FNBP1L: variants seen among roughly 807,000 people sequenced by gnomAD.
FNBP1L encodes the protein formin binding protein 1 like.
In FNBP1L, 36 loss-of-function variants were observed where a neutral mutation model predicts 91.2. The observed-to-expected ratio is 0.39, with a 90% confidence interval of 0.30 to 0.52. FNBP1L has a LOEUF of 0.52. FNBP1L is among the 20% of genes least tolerant of loss of function. FNBP1L has a pLI of 0.66. For synonymous variants in FNBP1L, 242 were observed against 237.0 expected, an observed-to-expected ratio of 1.02 and a Z score of -0.19; for missense variants, 571 against 732.1, an observed-to-expected ratio of 0.78 and a Z score of 2.54.
At chr1:93,523,246 A>G in intron 3 of FNBP1L, 98 bp from the exon 4 acceptor site, 4 of 1,228,304 alleles carry the variant, frequency 3.3e-6, no homozygotes, top group Non-Finnish European at 4.3e-6. Context: ...TAGGTTGAAT[A>G]TGCTAAAATT....
chr1:93,450,939 G>T (rs1031335274), intron 1 of FNBP1L, among the ~76,000 whole-genome samples: 5 of 152,218 alleles, frequency 3.3e-5, no homozygotes, highest in Admixed American at 2.6e-4. Context: ...GTAGTGATGT[G>T]CTGAGTGGAT....
At chr1:93,482,318 G>A (rs1234436581) in intron 1 of FNBP1L, among the ~76,000 whole-genome samples, 3 of 151,954 alleles carry the variant, frequency 2.0e-5, no homozygotes, top group Non-Finnish European at 4.4e-5. Flanking sequence ...AATTATTACT[G>A]TAAACATATG....
chr1:93,482,305 G>A (rs1669736511), intron 1 of FNBP1L, among the ~76,000 whole-genome samples: 1 of 152,068 alleles, frequency 6.6e-6, no homozygotes, highest in African/African-American at 2.4e-5. Flanking sequence ...TAGTATATCT[G>A]TTAATTATTA....
chr1:93,449,566 T>C (rs1226662856), intron 1 of FNBP1L, among the ~76,000 whole-genome samples: 1 of 152,194 alleles, frequency 6.6e-6, no homozygotes, highest in African/African-American at 2.4e-5. Context: ...CTTAGAACTG[T>C]GAGACTTTAG....
chr1:93,520,745 G>C (rs1428232307), intron 2 of FNBP1L, among the ~76,000 whole-genome samples: 1 of 152,074 alleles, frequency 6.6e-6, no homozygotes. Flanking sequence ...AGGTCACATA[G>C]GTACTACATA....
intron 1 of FNBP1L, among the ~76,000 whole-genome samples, chr1:93,496,250 T>A (rs1670257249): frequency 1.3e-5 from 2 of 149,456 alleles, no homozygotes; most frequent in South Asian, 4.5e-4. Context: ...CCCCCTTCCT[T>A]CTCCTCTTTT....
rs538341669 is a variant in FNBP1L, at chr1:93,532,424, G to A, written c.640-498G>A. Among the ~76,000 whole-genome samples the A allele has an allele frequency of 2.7e-3, 363 of 136,278 alleles. 1 individual carries two copies. Among genetic ancestry groups the A allele is most frequent in the African/African-American group, 8.7e-3 (325 of 37,246 alleles). 89.4% of individuals were successfully genotyped at this position (136,278 alleles called of 152,430 possible). Reference sequence around the variant, plus strand: ...GGAGGTTGCAGTGAGCCGAGATCGCGCAACTGCACTCCATCCAGCCTGGCG... The same window carrying A: ...GGAGGTTGCAGTGAGCCGAGATCGCACAACTGCACTCCATCCAGCCTGGCG... On this transcript the variant is annotated intron_variant, in intron 7 of 16. Coordinates refer to ENST00000271234, the MANE Select transcript of FNBP1L (RefSeq NM_001164473.3).
chr1:93,471,135 G>T (rs572141505), intron 1 of FNBP1L, among the ~76,000 whole-genome samples: 150 of 152,236 alleles, frequency 9.9e-4, no homozygotes, highest in African/African-American at 3.5e-3. Flanking sequence ...AGGACCAGAA[G>T]ATTTTAATAT....
intron 11 of FNBP1L, among the ~76,000 whole-genome samples, chr1:93,541,513 C>G (rs1672042681): frequency 6.7e-6 from 1 of 149,850 alleles, no homozygotes; most frequent in African/African-American, 2.5e-5. Flanking sequence ...TGGAGTTAGT[C>G]CTTGGTTCTT....
intron 16 of FNBP1L, 75 bp downstream of exon 16, chr1:93,551,180 A>G: frequency 7.0e-7 from 1 of 1,435,260 alleles, no homozygotes; most frequent in South Asian, 1.8e-5. Flanking sequence ...CATAAAATGA[A>G]AACACATTCA....
chr1:93,533,026 G>A lies in FNBP1L; in HGVS notation c.744G>A (p.Leu248=). ...TTATTCCCATCATTTCAAAATGTTTGGAAGGAATGATTCTTGCAGCAAAAT... is the reference window on the plus strand; with the variant it reads ...TTATTCCCATCATTTCAAAATGTTTAGAAGGAATGATTCTTGCAGCAAAAT... ...RKVIPIISKC[L]EGMILAAKSV... is the part of the protein sequence containing the mutation. Residue 248 remains leucine (L), a synonymous_variant, in exon 8 of 17, where the codon TTG becomes TTA. Transcript: ENST00000271234. 1 of 1,612,922 alleles carries A rather than the reference G, an allele frequency of 6.2e-7. No homozygotes were observed. The highest frequency in any genetic ancestry group is 2.2e-5 in the East Asian group (1 of 44,796).
chr1:93,462,021 G>A (rs1668885256), intron 1 of FNBP1L, among the ~76,000 whole-genome samples: 1 of 152,172 alleles, frequency 6.6e-6, no homozygotes, highest in Admixed American at 6.5e-5. Context: ...GAATGGAAGG[G>A]TGTTTTGAGC....
chr1:93,524,581 CT>C (rs34173735), intron 5 of FNBP1L, among the ~76,000 whole-genome samples: 22,620 of 113,398 alleles, frequency 0.2, 1,340 homozygotes, highest in Middle Eastern at 0.23. Context: ...TAAGGAGATT[CT>C]TTTTTTTTTT....
At chr1:93,547,323 T>C (rs1557822592) in intron 13 of FNBP1L, 24 bp from the exon 14 acceptor site, 1 of 1,520,950 alleles carries the variant, frequency 6.6e-7, no homozygotes. Flanking sequence ...TGAGCTCAGT[T>C]GTTTGCTTAT....
intron 5 of FNBP1L, among the ~76,000 whole-genome samples, chr1:93,525,957 C>T (rs1671478992): frequency 6.6e-6 from 1 of 152,064 alleles, no homozygotes; most frequent in Non-Finnish European, 1.5e-5. Context: ...TCCATGTCTT[C>T]CTCTTTAGTC....
chr1:93,449,263 C>T (rs1668397123), intron 1 of FNBP1L, among the ~76,000 whole-genome samples: 4 of 149,484 alleles, frequency 2.7e-5, no homozygotes, highest in Admixed American at 2.0e-4. Context: ...GTGTGGAGGG[C>T]AGTGATTTCT....
chr1:93,468,315 T>A (rs1669159421), intron 1 of FNBP1L, among the ~76,000 whole-genome samples: 1 of 152,234 alleles, frequency 6.6e-6, no homozygotes, highest in Non-Finnish European at 1.5e-5. Flanking sequence ...TAATATTCCC[T>A]TGTATGCATA....
intron 1 of FNBP1L, among the ~76,000 whole-genome samples, chr1:93,457,954 G>T (rs1436822567): frequency 1.3e-5 from 2 of 151,970 alleles, no homozygotes; most frequent in East Asian, 3.9e-4. Flanking sequence ...ACCACGCCTG[G>T]CTAATTTTTT....
chr1:93,511,157 A>G (rs1244982582), intron 2 of FNBP1L, among the ~76,000 whole-genome samples: 6 of 152,214 alleles, frequency 3.9e-5, no homozygotes, highest in Non-Finnish European at 7.3e-5. Context: ...TAATTGTCAG[A>G]TTCACCAAAG....
Sources: gnomAD v4.1 joint callset for allele counts (sites outside exome capture counted in the v4.1 genomes callset) on GRCh38, gnomAD v4.1.1 for gene constraint, MANE v1.5 for transcripts, NCBI Gene and HGNC (gene_info 2026-07-23, HGNC 2026-07-21) for gene names.